Variants in TRMT11 observed in about 807,000 individuals in gnomAD.
TRMT11 encodes tRNA methyltransferase 11, also known as tRNA (guanine(10)-N(2))-methyltransferase TRMT11.
TRMT11 carries 53 observed loss-of-function variants against 62.8 expected under a neutral mutation model. The observed-to-expected ratio is 0.84, with a 90% CI of 0.68 to 1.06. TRMT11 has a LOEUF of 1.06. Ranked by LOEUF, TRMT11 falls within the 50% of genes least tolerant of loss-of-function variation. TRMT11 has a pLI of 0.00. For missense variants in TRMT11, 556 were observed against 553.4 expected, an observed-to-expected ratio of 1.00 and a Z score of -0.05; for synonymous variants, 188 against 190.3, an observed-to-expected ratio of 0.99 and a Z score of 0.10.
chr6:126,060,347 C>T (rs1430962476), intron 17 of TRMT11, among the ~76,000 whole-genome samples: 1 of 152,214 alleles, frequency 6.6e-6, no homozygotes, highest in Non-Finnish European at 1.5e-5. Flanking sequence ...TGTTTCGCCT[C>T]AGAATCTGAC....
At chr6:126,234,698 A>G in the TRMT11 span, among the ~76,000 whole-genome samples, 85 of 152,184 alleles carry the variant, frequency 5.6e-4, no homozygotes, top group African/African-American at 2.0e-3. Context: ...AACTTTAAAA[A>G]TTAATATATG....
At chr6:126,152,219 G>A (rs1262561670) in intron 21 of TRMT11, among the ~76,000 whole-genome samples, 2 of 151,070 alleles carry the variant, frequency 1.3e-5, no homozygotes, top group Non-Finnish European at 2.9e-5. Flanking sequence ...ATGCAGATTA[G>A]GTTGTGGCAT....
At chr6:126,213,643 G>A in the TRMT11 span, among the ~76,000 whole-genome samples, 6 of 151,896 alleles carry the variant, frequency 4.0e-5, no homozygotes, top group African/African-American at 1.4e-4. Context: ...TAATAGTTTT[G>A]TTACAGAGTC....
At chr6:126,053,751 T>C (rs1776286698) in intron 17 of TRMT11, among the ~76,000 whole-genome samples, 1 of 152,006 alleles carries the variant, frequency 6.6e-6, no homozygotes, top group Non-Finnish European at 1.5e-5. Flanking sequence ...TCAATTAAAA[T>C]TGTCTTGTGA....
intron 21 of TRMT11, among the ~76,000 whole-genome samples, chr6:126,139,893 T>G (rs1360301532): frequency 6.6e-6 from 1 of 152,088 alleles, no homozygotes; most frequent in Non-Finnish European, 1.5e-5. Flanking sequence ...TTGTCTGTTT[T>G]TATTCTGATT....
intron 16 of TRMT11, among the ~76,000 whole-genome samples, chr6:126,048,996 C>T (rs374625123): frequency 1.8e-4 from 27 of 152,308 alleles, no homozygotes; most frequent in East Asian, 1.3e-3. Context: ...GACAATGATA[C>T]GCCTTTTATT....
intron 21 of TRMT11, among the ~76,000 whole-genome samples, chr6:126,121,305 A>G (rs1311066252): frequency 6.6e-6 from 1 of 152,144 alleles, no homozygotes; most frequent in Non-Finnish European, 1.5e-5. Context: ...TATGATGCCC[A>G]TTTATTAGCT....
intron 17 of TRMT11, among the ~76,000 whole-genome samples, chr6:126,079,755 C>G (rs565093427): frequency 6.6e-6 from 1 of 152,086 alleles, no homozygotes; most frequent in African/African-American, 2.4e-5. Context: ...AGATTTTGAA[C>G]TATGCGTTGG....
intron 6 of TRMT11, among the ~76,000 whole-genome samples, 181 bp from the exon 7 acceptor site, chr6:125,999,276 A>G (rs1413426692): frequency 1.3e-5 from 2 of 152,230 alleles, no homozygotes; most frequent in Non-Finnish European, 2.9e-5. Flanking sequence ...ATGGAATGAC[A>G]TTAAGCAATA....
At chr6:126,253,100 G>GAAA in the TRMT11 span, among the ~76,000 whole-genome samples, 15 of 146,564 alleles carry the variant, frequency 1.0e-4, no homozygotes, top group African/African-American at 3.5e-4. Flanking sequence ...TGGATTTAAT[G>GAAA]AAAAAAAAAA....
chr6:126,265,872 A>C, the TRMT11 span, among the ~76,000 whole-genome samples: 1 of 152,154 alleles, frequency 6.6e-6, no homozygotes, highest in Non-Finnish European at 1.5e-5. Flanking sequence ...GCAACATATA[A>C]CTTTGTAAAT....
chr6:126,017,491 C>T (rs1168752770), intron 11 of TRMT11, among the ~76,000 whole-genome samples: 1 of 152,192 alleles, frequency 6.6e-6, no homozygotes, highest in Non-Finnish European at 1.5e-5. Context: ...TTCTAGTCTA[C>T]ACTCTCCCCA....
intron 12 of TRMT11, among the ~76,000 whole-genome samples, chr6:126,034,385 A>G (rs944503532): frequency 5.3e-5 from 8 of 152,292 alleles, no homozygotes; most frequent in Non-Finnish European, 7.4e-5. Context: ...TGTATTTCTT[A>G]TAATGTTTAC....
chr6:126,117,520 G>A (rs75581171), intron 21 of TRMT11, among the ~76,000 whole-genome samples: 1,646 of 152,132 alleles, frequency 0.011, 28 homozygotes, highest in African/African-American at 0.038. Flanking sequence ...CGTTGAATGA[G>A]TAGGTCAAAC....
the TRMT11 span, among the ~76,000 whole-genome samples, chr6:126,243,067 A>T: frequency 3.3e-5 from 5 of 152,124 alleles, no homozygotes; most frequent in East Asian, 3.9e-4. Context: ...GAATCTACAA[A>T]GAACTCAAAC....
At chr6:126,109,780 C>A (rs1461226510) in intron 17 of TRMT11, among the ~76,000 whole-genome samples, 1 of 152,130 alleles carries the variant, frequency 6.6e-6, no homozygotes, top group Non-Finnish European at 1.5e-5. Context: ...CAAATGTCAT[C>A]TATTAGTATT....
intron 11 of TRMT11, among the ~76,000 whole-genome samples, chr6:126,018,708 A>C (rs887706231): frequency 1.4e-4 from 22 of 152,162 alleles, no homozygotes; most frequent in African/African-American, 5.1e-4. Flanking sequence ...GTTTTTAAAT[A>C]GATAACTTGG....
chr6:126,255,828 TATA>T, the TRMT11 span, among the ~76,000 whole-genome samples: 2 of 152,330 alleles, frequency 1.3e-5, no homozygotes, highest in African/African-American at 2.4e-5. Flanking sequence ...GAAAGTAGAA[TATA>T]ATATTACTCT....
intron 21 of TRMT11, among the ~76,000 whole-genome samples, chr6:126,160,017 G>A (rs1778171104): frequency 6.6e-6 from 1 of 152,000 alleles, no homozygotes; most frequent in Admixed American, 6.5e-5. Context: ...CTCTTACCTC[G>A]GGTGTTTTAA....
Sources: allele counts gnomAD v4.1 joint callset (sites outside exome capture counted in the v4.1 genomes callset), GRCh38; gene constraint gnomAD v4.1.1; transcripts MANE v1.5; gene names NCBI Gene and HGNC (gene_info 2026-07-23, HGNC 2026-07-21).